The following IL23R variants were observed in gnomAD, a reference collection of about 807,000 sequenced individuals.
IL23R encodes the protein interleukin 23 receptor.
IL23R carries 34 observed loss-of-function variants against 56.9 expected under a neutral mutation model. The ratio of observed to expected loss-of-function variants is 0.60; its 90% CI spans 0.45 to 0.80. The LOEUF is 0.80. Ranked by LOEUF, IL23R falls within the 30% of genes least tolerant of loss-of-function variation. The pLI, the probability that IL23R is intolerant of heterozygous loss-of-function variation, is 0.00. For missense variants in IL23R, 635 were observed against 730.0 expected, an observed-to-expected ratio of 0.87 and a Z score of 1.50; for synonymous variants, 230 against 249.2, an observed-to-expected ratio of 0.92 and a Z score of 0.73.
chr1:67,150,537 T>A (rs1039439598), intron 1 of IL23R, among the ~76,000 whole-genome samples: 1 of 151,848 alleles, frequency 6.6e-6, no homozygotes, highest in Non-Finnish European at 1.5e-5. Flanking sequence ...TTTTCTGTTC[T>A]TGTGTTAGTT....
intron 4 of IL23R, among the ~76,000 whole-genome samples, chr1:67,197,800 G>A (rs371517643): frequency 4.1e-4 from 62 of 152,178 alleles, no homozygotes; most frequent in African/African-American, 1.5e-3. Context: ...GCTGAGAGTG[G>A]TGGTGCATGC....
chr1:67,227,610 C>T (rs879180315), intron 7 of IL23R, among the ~76,000 whole-genome samples: 8 of 152,048 alleles, frequency 5.3e-5, no homozygotes, highest in Non-Finnish European at 8.8e-5. Flanking sequence ...ATTATGTTAA[C>T]GGAACTAAAT....
rs766732453 is a variant in IL23R, at chr1:67,200,800, A to G, written c.555A>G (p.Ser185=). Residue 185 remains serine (S), a synonymous_variant, in exon 5 of 11, where the codon TCA becomes TCG. Coordinates refer to ENST00000347310, the MANE Select transcript of IL23R (RefSeq NM_144701.3). ...TSSYINISTD[S]LQGGKKYLVW... ...GCTATATTAACATCTCCACTGATTC[A>G]TTACAAGGTGGCAAGAAGTACTTGG... 1 of 1,614,092 alleles carries G rather than the reference A, an allele frequency of 6.2e-7. No homozygotes were observed. The highest frequency in any genetic ancestry group is 2.2e-5 in the East Asian group (1 of 44,874).
intron 5 of IL23R, among the ~76,000 whole-genome samples, chr1:67,205,346 A>C (rs1172386261): frequency 6.6e-6 from 1 of 152,236 alleles, no homozygotes; most frequent in Non-Finnish European, 1.5e-5. Context: ...TAAAACAATA[A>C]TTTTCTTAAA....
intron 4 of IL23R, among the ~76,000 whole-genome samples, chr1:67,187,288 T>C (rs936785089): frequency 6.6e-6 from 1 of 152,200 alleles, no homozygotes; most frequent in African/African-American, 2.4e-5. Flanking sequence ...AGGTTAATTC[T>C]TTCAAGCCTG....
intron 4 of IL23R, among the ~76,000 whole-genome samples, chr1:67,196,868 C>T (rs550818980): frequency 2.6e-5 from 4 of 152,190 alleles, no homozygotes; most frequent in East Asian, 3.9e-4. Flanking sequence ...AAAGGTGGAC[C>T]GCATGCCTTT....
At chr1:67,195,391 G>C (rs1456014516) in intron 4 of IL23R, among the ~76,000 whole-genome samples, 1 of 152,192 alleles carries the variant, frequency 6.6e-6, no homozygotes, top group Admixed American at 6.5e-5. Flanking sequence ...CATTAGGTGA[G>C]AAGCCATCTA....
intron 9 of IL23R, among the ~76,000 whole-genome samples, chr1:67,252,811 A>T (rs1350990542): frequency 7.2e-6 from 1 of 139,152 alleles, no homozygotes; most frequent in Admixed American, 7.1e-5. Flanking sequence ...AGACAAAAAA[A>T]AAAAAAAAGA....
intron 7 of IL23R, among the ~76,000 whole-genome samples, chr1:67,235,946 T>G (rs543502714): frequency 6.6e-6 from 1 of 152,228 alleles, no homozygotes; most frequent in Non-Finnish European, 1.5e-5. Flanking sequence ...TAGAGCCATC[T>G]TCAGAAATGT....
chr1:67,214,918 G>A (rs560833848), intron 6 of IL23R, among the ~76,000 whole-genome samples: 9 of 152,340 alleles, frequency 5.9e-5, no homozygotes, highest in African/African-American at 2.2e-4. Flanking sequence ...TCATAACTTA[G>A]AAAGCGATGT....
chr1:67,181,462 G>A lies in IL23R; in HGVS notation c.368-1374G>A, dbSNP rs185211199. Among the ~76,000 whole-genome samples the A allele has an allele frequency of 4.3e-4, 65 of 152,094 alleles. 2 individuals are homozygous for A. In the East Asian group the frequency reaches 7.7e-3, roughly 18 times the overall value. ...CTTGTGCATTCATCATGTAGTTCTC[G>A]TGCCATGGTTTTCAGCTCCATCAGG... On this transcript the variant is annotated intron_variant, in intron 3 of 10. Coordinates refer to ENST00000347310, the MANE Select transcript of IL23R (RefSeq NM_144701.3).
intron 1 of IL23R, among the ~76,000 whole-genome samples, chr1:67,142,296 A>T (rs1490242192): frequency 6.6e-6 from 1 of 152,164 alleles, no homozygotes; most frequent in Non-Finnish European, 1.5e-5. Context: ...TATAAATTAT[A>T]TAAAGCTAAA....
At chr1:67,246,495 G>A (rs892401531) in intron 9 of IL23R, among the ~76,000 whole-genome samples, 2 of 152,166 alleles carry the variant, frequency 1.3e-5, no homozygotes, top group African/African-American at 4.8e-5. Flanking sequence ...GTGTCCCAGA[G>A]ATTCTGGTAC....
rs1158485551 is a variant in IL23R at position 67,228,037 on chromosome 1, TTCTTTC to T, written c.955+8315_955+8320del. Among the ~76,000 whole-genome samples, 353 of 74,536 alleles carry T rather than the reference TTCTTTC, an allele frequency of 4.7e-3. 38 individuals are homozygous for T. The highest frequency in any genetic ancestry group is 0.017 in the African/African-American group (280 of 16,764). 48.9% of individuals were successfully genotyped at this position (74,536 alleles called of 152,430 possible). A position where few individuals can be genotyped will look rare whatever the true frequency, so the allele number is the denominator to read the frequency against. On this transcript the variant is annotated intron_variant, in intron 7 of 10. Transcript: ENST00000347310. ...TTCTTTCTTCCTTTCTTTCTTTTCT[TTCTTTC>T]TCTTTCTTTCTTTCTTTCTCTGTCT... is the stretch of plus-strand genomic sequence containing the variant.
chr1:67,160,527 A>G (rs1387022361), intron 1 of IL23R, among the ~76,000 whole-genome samples: 1 of 152,222 alleles, frequency 6.6e-6, no homozygotes, highest in East Asian at 1.9e-4. Context: ...AGATTTGCAA[A>G]CCAGACTATC....
At chr1:67,228,170 CCTTCCTTCCTT>C in intron 7 of IL23R, among the ~76,000 whole-genome samples, 1 of 130,626 alleles carries the variant, frequency 7.7e-6, no homozygotes, top group Non-Finnish European at 1.5e-5. Flanking sequence ...TTCCTTCCTT[CCTTCCTTCCTT>C]CCTTCCTTCC....
chr1:67,205,450 C>G (rs1040597023), intron 5 of IL23R, among the ~76,000 whole-genome samples: 1 of 152,092 alleles, frequency 6.6e-6, no homozygotes, highest in Non-Finnish European at 1.5e-5. Context: ...CCTACAGGCC[C>G]TTGAGTTCTT....
intron 8 of IL23R, among the ~76,000 whole-genome samples, chr1:67,237,203 C>G (rs369726532): frequency 6.6e-5 from 10 of 152,100 alleles, no homozygotes; most frequent in African/African-American, 2.4e-4. Context: ...CCATCACGCC[C>G]AGCTAATTTT....
intron 7 of IL23R, 67 bp from the exon 8 acceptor site, chr1:67,236,646 C>A: frequency 2.1e-6 from 2 of 972,182 alleles, no homozygotes; most frequent in East Asian, 2.4e-5. Flanking sequence ...GGAAGAAACT[C>A]CGTTGGGAAA....
Sources: gnomAD v4.1 joint callset for allele counts (sites outside exome capture counted in the v4.1 genomes callset) on GRCh38, gnomAD v4.1.1 for gene constraint, MANE v1.5 for transcripts, NCBI Gene and HGNC (gene_info 2026-07-23, HGNC 2026-07-21) for gene names.